Variants in DSCAM observed in about 807,000 individuals in gnomAD.
DSCAM encodes the protein DS cell adhesion molecule.
In DSCAM, 47 loss-of-function variants were observed where a neutral mutation model predicts 217.7. That is an observed-to-expected ratio of 0.22 (90% CI 0.17 to 0.28). The LOEUF (loss-of-function observed/expected upper bound fraction) is 0.28. Among genes scored for constraint, DSCAM ranks in the 10% least tolerant of loss-of-function variants. DSCAM has a pLI of 1.00. For missense variants in DSCAM, 2,080 were observed against 2,618.3 expected (o/e 0.79, Z 4.49); for synonymous variants, 1,056 against 1,015.3 (o/e 1.04, Z -0.76).
intron 1 of DSCAM, among the ~76,000 whole-genome samples, chr21:40,833,755 G>A (rs1425321887): frequency 6.6e-6 from 1 of 152,136 alleles, no homozygotes; most frequent in African/African-American, 2.4e-5. Context: ...CTCTCTCCAG[G>A]ACCACTCTAA....
At chr21:40,452,376 A>T (rs2075727584) in intron 3 of DSCAM, among the ~76,000 whole-genome samples, 1 of 152,068 alleles carries the variant, frequency 6.6e-6, no homozygotes, top group Non-Finnish European at 1.5e-5. Context: ...CACCTTTTAC[A>T]AGCTGGTTCA....
intron 1 of DSCAM, among the ~76,000 whole-genome samples, chr21:40,814,362 A>G (rs2091863764): frequency 6.6e-6 from 1 of 152,216 alleles, no homozygotes; most frequent in South Asian, 2.1e-4. Flanking sequence ...ATTGTTGTTC[A>G]TTAAAAATGT....
intron 9 of DSCAM, among the ~76,000 whole-genome samples, chr21:40,302,295 G>T (rs1241979037): frequency 6.6e-6 from 1 of 152,012 alleles, no homozygotes; most frequent in Non-Finnish European, 1.5e-5. Context: ...ACGGGGGGCG[G>T]ATCTTTCCCA....
chr21:40,392,962 C>T (rs777548024), intron 3 of DSCAM, among the ~76,000 whole-genome samples: 2 of 152,128 alleles, frequency 1.3e-5, no homozygotes, highest in Non-Finnish European at 2.9e-5. Flanking sequence ...CTAAAAAGAT[C>T]AATGAGCTGA....
intron 1 of DSCAM, among the ~76,000 whole-genome samples, chr21:40,774,408 T>C (rs1451027989): frequency 1.3e-5 from 2 of 152,234 alleles, no homozygotes; most frequent in African/African-American, 2.4e-5. Flanking sequence ...CCAGACTGCC[T>C]GGGAGCTCAA....
In DSCAM at chr21:40,696,334, T is replaced by C. The variant is rs118088941; in HGVS notation, c.362-3378A>G. ...AAAGGAGGAGCTGGGTTCAAGCGAC[T>C]GAGCAAGGACACAATCCCCTGAGAG... On this transcript the variant is annotated intron_variant, in intron 2 of 32. Coordinates refer to ENST00000400454, the MANE Select transcript of DSCAM (RefSeq NM_001389.5). Among the ~76,000 whole-genome samples the C allele has an allele frequency of 1.2e-4, 19 of 152,266 alleles. No individual in the cohort carries two copies. In the East Asian group the frequency reaches 2.3e-3, roughly 19 times the overall value.
chr21:40,015,722 C>T (rs1207859759), intron 32 of DSCAM, among the ~76,000 whole-genome samples: 6 of 152,176 alleles, frequency 3.9e-5, no homozygotes, highest in Non-Finnish European at 8.8e-5. Flanking sequence ...CAGACATGAG[C>T]CACCTGGCCT....
At position 40,819,568 on chromosome 21, in the gene DSCAM, T is replaced by TA. The variant is rs199955042; in HGVS notation, c.43+27050dup. 6.0e-3 allele frequency among the ~76,000 whole-genome samples: 910 copies of TA among 152,310 alleles called. 5 individuals are homozygous for TA. The highest frequency in any genetic ancestry group is 0.021 in the African/African-American group (870 of 41,570). On this transcript the variant is annotated intron_variant, in intron 1 of 32. Coordinates refer to ENST00000400454, the MANE Select transcript of DSCAM (RefSeq NM_001389.5). ...TACTAATCCTCACAAATTTTGAGTG[T>TA]AAAAAAGGCCCATCTCAGTCAACCA...
At chr21:40,530,848 C>A (rs144641908) in intron 3 of DSCAM, among the ~76,000 whole-genome samples, 57 of 152,010 alleles carry the variant, frequency 3.7e-4, no homozygotes, top group East Asian at 2.9e-3. Flanking sequence ...AGCTACATGC[C>A]TCTTTGCCAT....
At chr21:40,055,578 A>G in intron 29 of DSCAM, 147 bp downstream of exon 29, 1 of 622,530 alleles carries the variant, frequency 1.6e-6, no homozygotes, top group Non-Finnish European at 2.9e-6. Context: ...TCTTCTTCAC[A>G]AGAACAATTC....
At chr21:40,412,923 G>C (rs2075336670) in intron 3 of DSCAM, among the ~76,000 whole-genome samples, 1 of 152,202 alleles carries the variant, frequency 6.6e-6, no homozygotes, top group Non-Finnish European at 1.5e-5. Context: ...TAGGGCCTTG[G>C]GGCCCTGCAT....
chr21:40,838,275 T>A (rs1360009030), intron 1 of DSCAM, among the ~76,000 whole-genome samples: 2 of 152,234 alleles, frequency 1.3e-5, no homozygotes, highest in African/African-American at 2.4e-5. Flanking sequence ...ATTAGGAAGA[T>A]TAATCAATGG....
chr21:40,710,991 G>C (rs2090773444), intron 1 of DSCAM, among the ~76,000 whole-genome samples: 1 of 150,628 alleles, frequency 6.6e-6, no homozygotes, highest in East Asian at 1.9e-4. Flanking sequence ...TGCAGACGGT[G>C]ACATGGAGAT....
chr21:40,803,105 G>T (rs1184731703), intron 1 of DSCAM, among the ~76,000 whole-genome samples: 1 of 152,186 alleles, frequency 6.6e-6, no homozygotes, highest in Non-Finnish European at 1.5e-5. Flanking sequence ...TTTCTAAGAG[G>T]AAAATAATAC....
At chr21:40,218,400 G>T (rs1404627618) in intron 11 of DSCAM, among the ~76,000 whole-genome samples, 1 of 152,166 alleles carries the variant, frequency 6.6e-6, no homozygotes, top group Non-Finnish European at 1.5e-5. Flanking sequence ...CTGTAACCCT[G>T]TAGTAGAGTT....
chr21:40,032,008 A>G (rs2088535139), intron 32 of DSCAM, among the ~76,000 whole-genome samples: 1 of 151,812 alleles, frequency 6.6e-6, no homozygotes, highest in African/African-American at 2.4e-5. Flanking sequence ...GCCTCCTACA[A>G]CTCCACAAAT....
intron 14 of DSCAM, among the ~76,000 whole-genome samples, chr21:40,182,611 A>G (rs2090824677): frequency 8.0e-6 from 1 of 125,430 alleles, no homozygotes; most frequent in Admixed American, 8.1e-5. Flanking sequence ...GAAACCGTGG[A>G]CAGAACGGGC....
intron 1 of DSCAM, among the ~76,000 whole-genome samples, chr21:40,723,086 C>T (rs116301946): frequency 0.017 from 2,541 of 146,644 alleles, 80 homozygotes; most frequent in African/African-American, 0.063. Flanking sequence ...GGGTCTCTCT[C>T]GCTCTTTTTT....
At chr21:40,136,080 G>A (rs9974829) in intron 18 of DSCAM, among the ~76,000 whole-genome samples, 17,738 of 152,192 alleles carry the variant, frequency 0.12, 1,400 homozygotes, top group Middle Eastern at 0.19. Flanking sequence ...TTGGACTCCT[G>A]TCTTCTAGGG....
Sources: gnomAD v4.1 joint callset for allele counts (sites outside exome capture counted in the v4.1 genomes callset) on GRCh38, gnomAD v4.1.1 for gene constraint, MANE v1.5 for transcripts, NCBI Gene and HGNC (gene_info 2026-07-23, HGNC 2026-07-21) for gene names.